The following NRBP2 variants were observed in gnomAD, a reference collection of about 807,000 sequenced individuals.
NRBP2 encodes nuclear receptor binding protein 2.
NRBP2 carries 47 observed loss-of-function variants against 74.4 expected under a neutral mutation model. The observed-to-expected ratio is 0.63, with a 90% CI of 0.50 to 0.81. NRBP2 has a LOEUF of 0.81. NRBP2 is among the 30% of genes least tolerant of loss of function. The pLI is 0.00. For synonymous variants in NRBP2, 312 were observed against 273.8 expected (o/e 1.14, Z -1.38); for missense variants, 613 against 690.1 (o/e 0.89, Z 1.25).
Position 143,835,638 on chromosome 8 carries a change from G to A in NRBP2, c.*24C>T, listed in dbSNP as rs1818329752. ...CCTGCCCAGGCAGCACCCCGGCATG[G>A]TCCCCTGGGGCTGGGGCTCCGGGTC... On this transcript the variant is annotated 3_prime_UTR_variant, in exon 18 of 18. Transcript: ENST00000442628. This position sits in a 1 kb window ranked among gnomAD's most constrained non-coding sequence, Gnocchi z 4.9. 1.3e-6 allele frequency: 2 copies of A among 1,552,666 alleles called. No homozygotes were observed. The highest frequency in any genetic ancestry group is 4.0e-5 in the Admixed American group (2 of 50,150).
downstream of NRBP2, chr8:143,833,162 G>A (rs1315872681): frequency 1.3e-5 from 2 of 152,394 alleles, no homozygotes; most frequent in African/African-American, 4.8e-5. Flanking sequence ...TCCAGGAAAA[G>A]AAGAAACTGA....
chr8:143,835,530 G>T lies in NRBP2; in HGVS notation c.*132C>A, dbSNP rs1247610280. ...GTCAGCCCCACTCTCAGGAGACGGGGGGTTCCTTCACTACCGGGGCCTTTG... is the reference window on the plus strand; with the variant it reads ...GTCAGCCCCACTCTCAGGAGACGGGTGGTTCCTTCACTACCGGGGCCTTTG... On this transcript the variant is annotated 3_prime_UTR_variant, in exon 18 of 18. Transcript: ENST00000442628. This position sits in a 1 kb window ranked among gnomAD's most constrained non-coding sequence, Gnocchi z 4.9. The T allele has an allele frequency of 5.1e-6, 4 of 789,612 alleles. No individual in the cohort carries two copies. The highest frequency in any genetic ancestry group is 6.1e-6 in the Non-Finnish European group (3 of 491,024). The allele number at this position is 789,612 out of a possible 1,614,324, so 48.9% of individuals were successfully genotyped here.
chr8:143,840,470 G>A lies in NRBP2; in HGVS notation c.129+236C>T. 2 of 668,024 alleles carry A rather than the reference G, an allele frequency of 3.0e-6. No homozygotes were observed. Among genetic ancestry groups the A allele is most frequent in the South Asian group, 4.0e-5 (2 of 50,494 alleles). 41.4% of individuals were successfully genotyped at this position (668,024 alleles called of 1,614,324 possible). On this transcript the variant is annotated intron_variant, in intron 1 of 17. Transcript: ENST00000442628. This position sits in a 1 kb window ranked among gnomAD's most constrained non-coding sequence, Gnocchi z 5.7. The stretch of plus-strand genomic sequence containing the variant: ...GTCGAGGGGGATCCCCAGGAAGCTA[G>A]CGGCTGAGTCCAGAGGCATGGGGAG...
In NRBP2 at chr8:143,837,943, A is replaced by G. The variant is rs1394659692; in HGVS notation, c.841-188T>C. The G allele has an allele frequency of 1.7e-5, 13 of 748,188 alleles. No homozygotes were observed. Among genetic ancestry groups the G allele is most frequent in the Non-Finnish European group, 2.8e-5 (12 of 427,416 alleles). The allele number at this position is 748,188 out of a possible 1,614,324, so 46.3% of individuals were successfully genotyped here. A position where few individuals can be genotyped will look rare whatever the true frequency, so the allele number is the denominator to read the frequency against. ...AGGACCTGGTCCTCTGAGCTTGAGG[A>G]CAGCTGGGTTCTGGGATTGGAGCAC... On this transcript the variant is annotated intron_variant, in intron 10 of 17. Coordinates refer to ENST00000442628, the MANE Select transcript of NRBP2 (RefSeq NM_178564.4). This position sits in a 1 kb window ranked among gnomAD's most constrained non-coding sequence, Gnocchi z 4.3.
intron 10 of NRBP2, 131 bp downstream of exon 10, chr8:143,838,549 A>G: frequency 1.5e-6 from 1 of 675,394 alleles, no homozygotes; most frequent in Non-Finnish European, 2.6e-6. Context: ...CCTCTTTGGG[A>G]GGGGTGCAGT....
chr8:143,840,920 G>T lies in NRBP2; in HGVS notation c.-86C>A. 1 of 1,200,666 alleles carries T rather than the reference G, an allele frequency of 8.3e-7. No homozygotes were observed. The highest frequency in any genetic ancestry group is 1.0e-6 in the Non-Finnish European group (1 of 971,602). The allele number at this position is 1,200,666 out of a possible 1,614,324, so 74.4% of individuals were successfully genotyped here. Reference sequence around the variant, plus strand: ...GCCCGCCCTGGCCTCGCGCCCAGCAGCCCAGCCTAGAGCCGCCGCGGCAGC... The same window carrying T: ...GCCCGCCCTGGCCTCGCGCCCAGCATCCCAGCCTAGAGCCGCCGCGGCAGC... On this transcript the variant is annotated 5_prime_UTR_variant, in exon 1 of 18. In the 5' UTR this introduces an upstream ATG that the reference lacks. Transcript: ENST00000442628. This position sits in a 1 kb window ranked among gnomAD's most constrained non-coding sequence, Gnocchi z 5.7.
At position 143,839,850 on chromosome 8, in the gene NRBP2, C is replaced by T. The variant is rs1818616552; in HGVS notation, c.355-25G>A. 1.3e-6 allele frequency: 2 copies of T among 1,535,828 alleles called. No homozygotes were observed. Among genetic ancestry groups the T allele is most frequent in the East Asian group, 2.4e-5 (1 of 40,930 alleles). On this transcript the variant is annotated intron_variant, in intron 3 of 17. Coordinates refer to ENST00000442628, the MANE Select transcript of NRBP2 (RefSeq NM_178564.4). The surrounding 1 kb of genome is among the most constrained non-coding windows in gnomAD (Gnocchi z 5.1). ...CCTGCACGGTGCGAGCTCAGGATTT[C>T]CACCAGCTGCGGGTTCGTCCCCATG...
At chr8:143,838,534 G>A (rs1818532150) in intron 10 of NRBP2, 146 bp downstream of exon 10, 2 of 641,612 alleles carry the variant, frequency 3.1e-6, no homozygotes, top group African/African-American at 1.8e-5. Flanking sequence ...TGCTCCCACT[G>A]AGGTCCTCTT....
downstream of NRBP2, among the ~76,000 whole-genome samples, chr8:143,831,319 CAAAAG>C (rs1444914825): frequency 6.6e-6 from 1 of 152,230 alleles, no homozygotes; most frequent in Non-Finnish European, 1.5e-5. Flanking sequence ...GACTGCATCT[CAAAAG>C]AGAAGTCCAG....
rs1554652407 is a variant in NRBP2 at position 143,837,910 on chromosome 8, G to A, written c.841-155C>T. On this transcript the variant is annotated intron_variant, in intron 10 of 17. Transcript: ENST00000442628. The surrounding 1 kb of genome is among the most constrained non-coding windows in gnomAD (Gnocchi z 4.3). ...ATAGGGAGGAGTCCCAGCAGCAGCA[G>A]CCAGGCCAGGACCTGGTCCTCTGAG... 1 of 893,646 alleles carries A rather than the reference G, an allele frequency of 1.1e-6. No homozygotes were observed. Among genetic ancestry groups the A allele is most frequent in the South Asian group, 1.4e-5 (1 of 70,640 alleles). 55.4% of individuals were successfully genotyped at this position (893,646 alleles called of 1,614,324 possible).
rs1554652980 is a variant in NRBP2, at chr8:143,839,438, G to A, written c.486-30C>T. The A allele has an allele frequency of 2.6e-6, 4 of 1,541,222 alleles. No homozygotes were observed. Among genetic ancestry groups the A allele is most frequent in the African/African-American group, 1.4e-5 (1 of 73,196 alleles). On this transcript the variant is annotated intron_variant, in intron 5 of 17. Transcript: ENST00000442628. The surrounding 1 kb of genome is among the most constrained non-coding windows in gnomAD (Gnocchi z 5.1). ...AGACGTTGGGGAGGGGAGAGTAGGA[G>A]GAGCCGGTCAGGAGGCTCTGGAGAG...
downstream of NRBP2, among the ~76,000 whole-genome samples, chr8:143,830,842 A>C (rs1554650082): frequency 6.6e-6 from 1 of 152,278 alleles, no homozygotes; most frequent in Admixed American, 6.5e-5. Flanking sequence ...ACTGGGGGCT[A>C]TAGAGAAAGA....
Position 143,833,988 on chromosome 8 carries a change from G to GT in NRBP2, c.*1673dup, listed in dbSNP as rs1554650827. ...CCTTTAATTTATTTGATATGCGTTAGTAAGTCTTGCTTTGGTTTTTGGCTT... is the reference window on the plus strand; with the variant it reads ...CCTTTAATTTATTTGATATGCGTTAGTTAAGTCTTGCTTTGGTTTTTGGCTT... On this transcript the variant is annotated 3_prime_UTR_variant, in exon 18 of 18. Coordinates refer to ENST00000442628, the MANE Select transcript of NRBP2 (RefSeq NM_178564.4). 1 of 152,218 alleles carries GT rather than the reference G, an allele frequency of 6.6e-6. No individual in the cohort carries two copies. Among genetic ancestry groups the GT allele is most frequent in the East Asian group, 1.9e-4 (1 of 5,206 alleles). The allele number at this position is 152,218 out of a possible 1,614,324, so 9.4% of individuals were successfully genotyped here. A position where few individuals can be genotyped will look rare whatever the true frequency, so the allele number is the denominator to read the frequency against.
chr8:143,835,540 A>G lies in NRBP2; in HGVS notation c.*122T>C. On this transcript the variant is annotated 3_prime_UTR_variant, in exon 18 of 18. Transcript: ENST00000442628. This position sits in a 1 kb window ranked among gnomAD's most constrained non-coding sequence, Gnocchi z 4.9. ...CTCTCAGGAGACGGGGGGTTCCTTC[A>G]CTACCGGGGCCTTTGTGCTCCCAGG... 1.2e-6 allele frequency: 1 copy of G among 839,070 alleles called. No homozygotes were observed. Among genetic ancestry groups the G allele is most frequent in the Non-Finnish European group, 1.9e-6 (1 of 536,798 alleles). The allele number at this position is 839,070 out of a possible 1,614,324, so 52.0% of individuals were successfully genotyped here. A position where few individuals can be genotyped will look rare whatever the true frequency, so the allele number is the denominator to read the frequency against.
chr8:143,837,488 A>T lies in NRBP2; in HGVS notation c.995T>A (p.Val332Glu). 2 of 1,611,074 alleles carry T rather than the reference A, an allele frequency of 1.2e-6. No individual in the cohort carries two copies. Among genetic ancestry groups the T allele is most frequent in the Non-Finnish European group, 1.7e-6 (2 of 1,179,112 alleles). ...QHQYLMPENV[V>E]EEKTKAMDLH... ...GTCCATGGCCTTGGTCTTCTCCTCC[A>T]CCACATTCTCAGGCATGAGGTCTGC... is the stretch of plus-strand genomic sequence containing the variant. The change falls in exon 12 of 18, where the codon GTG (valine) becomes GAG (glutamate). Residue 332 changes from valine (V) to glutamate (E), a missense_variant. Transcript: ENST00000442628. This position sits in a 1 kb window ranked among gnomAD's most constrained non-coding sequence, Gnocchi z 4.3.
In NRBP2 at chr8:143,839,302, C is replaced by T. The variant is rs1473658032; in HGVS notation, c.580+12G>A. On this transcript the variant is annotated intron_variant, in intron 6 of 17. Transcript: ENST00000442628. The surrounding 1 kb of genome is among the most constrained non-coding windows in gnomAD (Gnocchi z 5.1). The stretch of plus-strand genomic sequence containing the variant: ...TGCCCCGTTCCCCCACCCAGCCCTG[C>T]CCCGCCAGCACCGGAGCCGATCTTG... The T allele has an allele frequency of 2.6e-6, 4 of 1,541,534 alleles. No individual in the cohort carries two copies. In the Admixed American group the frequency reaches 7.6e-5, roughly 29 times the overall value.
rs1371813141 is a variant in NRBP2, at chr8:143,839,182, G to T, written c.594C>A (p.Ile198=). Residue 198 remains isoleucine, a synonymous_variant, in exon 7 of 18, where the codon ATC becomes ATA. Coordinates refer to ENST00000442628, the MANE Select transcript of NRBP2 (RefSeq NM_178564.4). The surrounding 1 kb of genome is among the most constrained non-coding windows in gnomAD (Gnocchi z 5.1). ...AAAGTCCGCACTTACCATTGGAGAA[G>T]ATTCGGTGCCACACTGCCAAGGGGC... ...LIKIGSVWHR[I]FSNALPDDLR... 3.9e-6 allele frequency: 6 copies of T among 1,527,926 alleles called. No homozygotes were observed. Among genetic ancestry groups the T allele is most frequent in the African/African-American group, 2.7e-5 (2 of 72,962 alleles). The allele number at this position is 1,527,926 out of a possible 1,614,324, so 94.6% of individuals were successfully genotyped here.
intron 10 of NRBP2, chr8:143,838,071 T>C (rs1436656165): frequency 3.3e-6 from 2 of 606,258 alleles, no homozygotes; most frequent in African/African-American, 3.7e-5. Context: ...TCGGCTCAGC[T>C]CGGGCCCAAC....
Position 143,840,232 on chromosome 8 carries a change from G to A in NRBP2, c.130-3C>T. The A allele has an allele frequency of 6.5e-7, 1 of 1,535,936 alleles. No individual in the cohort carries two copies. Among genetic ancestry groups the A allele is most frequent in the Non-Finnish European group, 8.7e-7 (1 of 1,146,796 alleles). ...CCTGGCATGTTCCCTTGGTTTACCT[G>A]GGGGTGAATAAAGGGTTATGTGTGC... On this transcript the variant is annotated splice_polypyrimidine_tract_variant and splice_region_variant and intron_variant, in intron 1 of 17. Coordinates refer to ENST00000442628, the MANE Select transcript of NRBP2 (RefSeq NM_178564.4). The surrounding 1 kb of genome is among the most constrained non-coding windows in gnomAD (Gnocchi z 5.7).
Sources: gnomAD v4.1 joint callset for allele counts (sites outside exome capture counted in the v4.1 genomes callset) on GRCh38, gnomAD v4.1.1 for gene constraint, Gnocchi (gnomAD v3.1) non-coding constraint, MANE v1.5 for transcripts, NCBI Gene and HGNC (gene_info 2026-07-23, HGNC 2026-07-21) for gene names.